SLC28A3: variants seen among roughly 807,000 people sequenced by gnomAD.
SLC28A3 encodes concentrative Na(+)-nucleoside cotransporter 3.
Under a neutral mutation model 84.2 loss-of-function variants are expected in SLC28A3, and 68 were observed. That is an observed-to-expected ratio of 0.81 (90% CI 0.66 to 0.99). The LOEUF is 0.99. SLC28A3 is among the 50% of genes least tolerant of loss of function. The pLI is 0.00. For synonymous variants in SLC28A3, 267 were observed against 303.6 expected (o/e 0.88, Z 1.25); for missense variants, 712 against 841.5 (o/e 0.85, Z 1.90).
rs1554728734 is a variant in SLC28A3, at chr9:84,320,043, T to TTTCG, written c.61-6590_61-6589insCGAA. Among the ~76,000 whole-genome samples, 24 of 87,516 alleles carry TTTCG rather than the reference T, an allele frequency of 2.7e-4. 2 individuals are homozygous for TTTCG. Among genetic ancestry groups the TTTCG allele is most frequent in the Admixed American group, 5.1e-4 (4 of 7,870 alleles). 57.4% of individuals were successfully genotyped at this position (87,516 alleles called of 152,430 possible). A position where few individuals can be genotyped will look rare whatever the true frequency, so the allele number is the denominator to read the frequency against. The stretch of plus-strand genomic sequence containing the variant: ...TCATTCCAGCCTGGCTTGCACTGTT[T>TTTCG]TTTTTTTTTTTTTTTTTTTTTTTTG... On this transcript the variant is annotated intron_variant, in intron 1 of 17. Transcript: ENST00000376238.
chr9:84,347,864 A>G, the SLC28A3 span, among the ~76,000 whole-genome samples: 1 of 152,250 alleles, frequency 6.6e-6, no homozygotes, highest in Non-Finnish European at 1.5e-5. Context: ...TTCATTGAAC[A>G]AAGGTACACA....
intron 9 of SLC28A3, among the ~76,000 whole-genome samples, chr9:84,293,143 T>A (rs1323443358): frequency 6.6e-6 from 1 of 152,224 alleles, no homozygotes; most frequent in Admixed American, 6.5e-5. Context: ...CCTATGTAAT[T>A]ATACTCATTT....
chr9:84,316,353 G>A (rs533490838), intron 1 of SLC28A3, among the ~76,000 whole-genome samples: 1 of 152,362 alleles, frequency 6.6e-6, no homozygotes, highest in Admixed American at 6.5e-5. Context: ...TTGCAACTAA[G>A]TTCTGGCAAC....
At chr9:84,317,541 G>A (rs1826216367) in intron 1 of SLC28A3, among the ~76,000 whole-genome samples, 1 of 152,176 alleles carries the variant, frequency 6.6e-6, no homozygotes, top group Admixed American at 6.5e-5. Flanking sequence ...CCCTGGCACT[G>A]TGCTGTAATC....
intron 1 of SLC28A3, among the ~76,000 whole-genome samples, chr9:84,331,927 G>A (rs968893468): frequency 6.6e-6 from 1 of 152,138 alleles, no homozygotes; most frequent in Non-Finnish European, 1.5e-5. Flanking sequence ...TGGACACGTG[G>A]CAAAATATCT....
At position 84,286,064 on chromosome 9, in the gene SLC28A3, G is replaced by A. The variant is rs1319783951; in HGVS notation, c.1328C>T (p.Ser443Phe). ...AGCGATGTTGGCCACCAGGGAGATG[G>A]AGGAGGATGCTCCCTGTGTTGCAGC... ...LEAATQGASS[S>F]ISLVANIAVN... Residue 443 changes from serine (S) to phenylalanine (F), a missense_variant, in exon 13 of 18, where the codon TCC becomes TTC. Ser to Phe is a radical substitution (Grantham distance 155). Coordinates refer to ENST00000376238, the MANE Select transcript of SLC28A3 (RefSeq NM_001199633.2). 1 of 1,614,104 alleles carries A rather than the reference G, an allele frequency of 6.2e-7. No individual in the cohort carries two copies. Among genetic ancestry groups the A allele is most frequent in the South Asian group, 1.1e-5 (1 of 91,066 alleles).
rs369691086 is a variant in SLC28A3, at chr9:84,339,261, T to C, written c.60+1313A>G. 9.2e-5 allele frequency among the ~76,000 whole-genome samples: 14 copies of C among 152,268 alleles called. No individual in the cohort carries two copies. In the East Asian group the frequency reaches 1.5e-3, roughly 17 times the overall value. On this transcript the variant is annotated intron_variant, in intron 1 of 17. Transcript: ENST00000376238. ...GTGAGATTTTATTTTATTATTATTA[T>C]TTTTTTGAGACTGAGTCTCCCTCTG...
chr9:84,362,264 T>C, the SLC28A3 span, among the ~76,000 whole-genome samples: 8 of 152,176 alleles, frequency 5.3e-5, no homozygotes, highest in Admixed American at 5.2e-4. Context: ...CTGTTAATAT[T>C]GAGATGCTAC....
At chr9:84,323,702 C>T (rs967080811) in intron 1 of SLC28A3, among the ~76,000 whole-genome samples, 1 of 152,052 alleles carries the variant, frequency 6.6e-6, no homozygotes, top group Admixed American at 6.6e-5. Context: ...GGATTACAGG[C>T]ATGAGAAAGA....
At chr9:84,311,020 C>A (rs555765693) in intron 2 of SLC28A3, among the ~76,000 whole-genome samples, 1 of 152,296 alleles carries the variant, frequency 6.6e-6, no homozygotes, top group Admixed American at 6.5e-5. Context: ...TCCCTTGACT[C>A]CCACAATCAT....
chr9:84,341,261 G>A (rs1240030138), upstream of SLC28A3, among the ~76,000 whole-genome samples: 3 of 152,016 alleles, frequency 2.0e-5, no homozygotes, highest in Non-Finnish European at 2.9e-5. Flanking sequence ...ATGAGCCACC[G>A]TGCCCAGCCA....
intron 1 of SLC28A3, among the ~76,000 whole-genome samples, chr9:84,319,586 G>T (rs1330288898): frequency 6.6e-6 from 1 of 152,010 alleles, no homozygotes; most frequent in Non-Finnish European, 1.5e-5. Context: ...TTACCCTTGC[G>T]GCTGTTGGGT....
chr9:84,333,138 G>A (rs1298518516), intron 1 of SLC28A3, among the ~76,000 whole-genome samples: 2 of 152,090 alleles, frequency 1.3e-5, no homozygotes, highest in Non-Finnish European at 2.9e-5. Context: ...AAACAAAGGG[G>A]GCAAAGGAAA....
In SLC28A3 at chr9:84,309,693, C is replaced by G. The variant is rs754217280; in HGVS notation, c.178G>C (p.Glu60Gln). The change falls in exon 3 of 18, where the codon GAG becomes CAG. Residue 60 changes from glutamate (E) to glutamine (Q), a missense_variant. Transcript: ENST00000376238. ...TCTCTGTTTCTTGGAGAATCCTGCT[C>G]AACTGTGACCTGTTCTTCATCCTGG... ...TKQDEEQVTV[E>Q]QDSPRNREHM... 5 of 1,613,776 alleles carry G rather than the reference C, an allele frequency of 3.1e-6. No homozygotes were observed. Among genetic ancestry groups the G allele is most frequent in the Non-Finnish European group, 4.2e-6 (5 of 1,179,964 alleles).
intron 1 of SLC28A3, among the ~76,000 whole-genome samples, chr9:84,322,488 A>G: frequency 6.6e-6 from 1 of 152,198 alleles, no homozygotes; most frequent in East Asian, 1.9e-4. Flanking sequence ...AATCACCTTG[A>G]CCATCAAGCT....
chr9:84,339,953 G>A (rs1380960216), intron 1 of SLC28A3, among the ~76,000 whole-genome samples: 1 of 152,218 alleles, frequency 6.6e-6, no homozygotes, highest in Non-Finnish European at 1.5e-5. Context: ...CCCATGCTGA[G>A]TGTCAGCTAA....
chr9:84,287,456 G>A (rs1046258643), intron 12 of SLC28A3, among the ~76,000 whole-genome samples: 8 of 152,054 alleles, frequency 5.3e-5, no homozygotes, highest in African/African-American at 1.2e-4. Context: ...TCCAGAAATG[G>A]TCATCCTATG....
At chr9:84,327,939 A>AAAAG (rs980903785) in intron 1 of SLC28A3, among the ~76,000 whole-genome samples, 1 of 151,010 alleles carries the variant, frequency 6.6e-6, no homozygotes, top group South Asian at 2.1e-4. Flanking sequence ...AAAAAAAAAA[A>AAAAG]AAAGAAAGAA....
At chr9:84,296,480 A>G (rs1436800727) in intron 8 of SLC28A3, among the ~76,000 whole-genome samples, 2 of 152,216 alleles carry the variant, frequency 1.3e-5, no homozygotes, top group African/African-American at 2.4e-5. Context: ...ATGAATAACA[A>G]CACACCACAA....
Sources: allele counts gnomAD v4.1 joint callset (sites outside exome capture counted in the v4.1 genomes callset), GRCh38; gene constraint gnomAD v4.1.1; transcripts MANE v1.5; gene names NCBI Gene and HGNC (gene_info 2026-07-23, HGNC 2026-07-21).